RUVBL2: variants seen among roughly 807,000 people sequenced by gnomAD.
The protein encoded by RUVBL2 is ruvB-like 2.
In RUVBL2, 9 loss-of-function variants were observed where a neutral mutation model predicts 57.9. That is an observed-to-expected ratio of 0.16 (90% CI 0.09 to 0.27). RUVBL2 has a LOEUF of 0.27. Ranked by LOEUF, RUVBL2 falls within the 10% of genes least tolerant of loss-of-function variation. The pLI is 1.00. For synonymous variants in RUVBL2, 278 were observed against 264.6 expected, an observed-to-expected ratio of 1.05 and a Z score of -0.49; for missense variants, 456 against 669.6, an observed-to-expected ratio of 0.68 and a Z score of 3.52.
intron 2 of RUVBL2, chr19:49,001,390 C>T (rs2039178497): frequency 6.6e-6 from 1 of 151,176 alleles, no homozygotes; most frequent in Non-Finnish European, 1.5e-5. Flanking sequence ...TCTCGATCTC[C>T]TGACCTCGTG....
At chr19:49,005,112 C>T (rs75952023) in intron 4 of RUVBL2, among the ~76,000 whole-genome samples, 10,200 of 152,236 alleles carry the variant, frequency 0.067, 426 homozygotes, top group Middle Eastern at 0.092. Flanking sequence ...TGTTCCTCTT[C>T]TTCCTTGTTG....
At chr19:49,013,802 T>C (rs2039483964) in intron 11 of RUVBL2, among the ~76,000 whole-genome samples, 1 of 152,130 alleles carries the variant, frequency 6.6e-6, no homozygotes, top group Non-Finnish European at 1.5e-5. Context: ...TAGACCCAGC[T>C]ACTTGGGAGG....
In RUVBL2 at chr19:48,999,387, G is replaced by A. The variant is rs200333260; in HGVS notation, c.67+14G>A. The A allele has an allele frequency of 4.3e-5, 70 of 1,614,012 alleles. No individual in the cohort carries two copies. Among genetic ancestry groups the A allele is most frequent in the Non-Finnish European group, 5.3e-5 (63 of 1,179,960 alleles). ...TTGAGCGAATCGGTGAGTGAGTTGG[G>A]TCAGGAATAGGACCTAAGCCCTGCC... is the stretch of plus-strand genomic sequence containing the variant. On this transcript the variant is annotated intron_variant, in intron 2 of 14. Coordinates refer to ENST00000595090, the MANE Select transcript of RUVBL2 (RefSeq NM_006666.3).
chr19:49,002,651 C>T lies in RUVBL2; in HGVS notation c.68-628C>T, dbSNP rs1384754728. ...CCAGGCTAGAATGCAGTGGCACAAT[C>T]TTGGCTCACTGCAACCTCCGCCTCC... On this transcript the variant is annotated intron_variant, in intron 2 of 14. Coordinates refer to ENST00000595090, the MANE Select transcript of RUVBL2 (RefSeq NM_006666.3). 4.6e-5 allele frequency among the ~76,000 whole-genome samples: 7 copies of T among 152,144 alleles called. No homozygotes were observed. In the East Asian group the frequency reaches 1.3e-3, roughly 29 times the overall value.
intron 6 of RUVBL2, among the ~76,000 whole-genome samples, chr19:49,008,809 C>G (rs10407758): frequency 2.0e-5 from 3 of 151,208 alleles, no homozygotes; most frequent in African/African-American, 7.3e-5. Flanking sequence ...GAAACCCTGT[C>G]TCTACTAAAA....
chr19:48,993,840 C>T, upstream of RUVBL2: 1 of 1,594,438 alleles, frequency 6.3e-7, no homozygotes, highest in South Asian at 1.1e-5. Flanking sequence ...ACCAGCTAGC[C>T]TAGAGGAGCC....
rs2039428673 is a variant in RUVBL2, at chr19:49,011,514, C to G, written c.1001+204C>G. 6.6e-6 allele frequency among the ~76,000 whole-genome samples: 1 copy of G among 152,220 alleles called. No homozygotes were observed. The highest frequency in any genetic ancestry group is 6.5e-5 in the Admixed American group (1 of 15,286). On this transcript the variant is annotated intron_variant, in intron 11 of 14. Coordinates refer to ENST00000595090, the MANE Select transcript of RUVBL2 (RefSeq NM_006666.3). The surrounding 1 kb of genome is among the most constrained non-coding windows in gnomAD (Gnocchi z 4.4). ...GACTGTGTTCTTGCTGCCTTTCTGT[C>G]TTGCTGCTCCTTTAGCCCCCAAGGC...
rs1393068535 is a variant in RUVBL2, at chr19:49,015,841, G to A, written c.1391G>A (p.Ter464=). The change falls in exon 15 of 15, where the codon TGA becomes TAA. Residue 464 remains the stop codon, a stop_retained_variant. Coordinates refer to ENST00000595090, the MANE Select transcript of RUVBL2 (RefSeq NM_006666.3). ...GAAGGCGAGACCATGGACACCTCCT[G>A]AGTTGGATGTCATCCCCCGACCCCA... is the stretch of plus-strand genomic sequence containing the variant. ...ELKGETMDTS[*] The A allele has an allele frequency of 6.2e-7, 1 of 1,614,196 alleles. No individual in the cohort carries two copies. Among genetic ancestry groups the A allele is most frequent in the Non-Finnish European group, 8.5e-7 (1 of 1,180,030 alleles).
intron 4 of RUVBL2, 118 bp from the exon 5 acceptor site, chr19:49,006,900 T>G: frequency 1.1e-5 from 15 of 1,330,010 alleles, no homozygotes; most frequent in Middle Eastern, 2.4e-4. Context: ...AGTCCTTACA[T>G]GTAGGATGGC....
rs755012680 is a variant in RUVBL2 at position 49,010,919 on chromosome 19, C to T, written c.788-80C>T. ...CCCCTTCCTCCATCCCTGGCATCAT[C>T]CTTCTCTGTCTTAGCCACACTCTGG... On this transcript the variant is annotated intron_variant, in intron 9 of 14. Coordinates refer to ENST00000595090, the MANE Select transcript of RUVBL2 (RefSeq NM_006666.3). 1.6e-4 allele frequency: 204 copies of T among 1,265,982 alleles called. 1 individual carries two copies. Among genetic ancestry groups the T allele is most frequent in the Non-Finnish European group, 2.2e-4 (194 of 882,010 alleles). The allele number at this position is 1,265,982 out of a possible 1,614,324, so 78.4% of individuals were successfully genotyped here. A position where few individuals can be genotyped will look rare whatever the true frequency, so the allele number is the denominator to read the frequency against.
At chr19:48,994,772 T>C (rs959740567) in intron 1 of RUVBL2, 1 of 152,030 alleles carries the variant, frequency 6.6e-6, no homozygotes, top group African/African-American at 2.4e-5. Flanking sequence ...AATACAAAAA[T>C]TAGCCAGGTG....
At chr19:49,007,420 T>A in intron 6 of RUVBL2, 52 bp downstream of exon 6, 1 of 1,539,708 alleles carries the variant, frequency 6.5e-7, no homozygotes. Context: ...GCGCCAGGGT[T>A]GGAGAGAGTA....
chr19:49,006,302 G>A (rs1467163285), intron 4 of RUVBL2, among the ~76,000 whole-genome samples: 2 of 152,272 alleles, frequency 1.3e-5, no homozygotes, highest in African/African-American at 4.8e-5. Context: ...CAGGGAACTG[G>A]AAGGAAAGGT....
At chr19:48,995,965 T>G (rs1312083735) in intron 1 of RUVBL2, among the ~76,000 whole-genome samples, 1 of 143,766 alleles carries the variant, frequency 7.0e-6, no homozygotes, top group Admixed American at 7.1e-5. Context: ...CCAGCCTGGG[T>G]GACAGAGTAA....
intron 2 of RUVBL2, among the ~76,000 whole-genome samples, chr19:49,000,530 G>A (rs146158292): frequency 0.012 from 1,800 of 152,062 alleles, 37 homozygotes; most frequent in African/African-American, 0.041. Context: ...CTCCAGCCTG[G>A]GTGACAAGAG....
At chr19:49,003,211 A>T in intron 2 of RUVBL2, 68 bp from the exon 3 acceptor site, 1 of 1,340,546 alleles carries the variant, frequency 7.5e-7, no homozygotes, top group Middle Eastern at 1.9e-4. Context: ...ACCAGGGCTC[A>T]GAGGGGTCAG....
upstream of RUVBL2, chr19:48,993,781 C>G: frequency 2.4e-6 from 3 of 1,249,300 alleles, no homozygotes; most frequent in Non-Finnish European, 3.5e-6. Context: ...TCCCGCCACG[C>G]CCCCACAATA....
At chr19:49,008,190 T>A (rs2039322907) in intron 6 of RUVBL2, among the ~76,000 whole-genome samples, 1 of 151,020 alleles carries the variant, frequency 6.6e-6, no homozygotes, top group African/African-American at 2.4e-5. Context: ...GACTTTATTT[T>A]TTAGGCATGT....
At chr19:49,010,956 G>C (rs376941116) in intron 9 of RUVBL2, 43 bp from the exon 10 acceptor site, 1 of 1,551,466 alleles carries the variant, frequency 6.4e-7, no homozygotes, top group Non-Finnish European at 8.8e-7. Context: ...CCTGGAACCC[G>C]CCTCCTCTCT....
Sources: allele counts gnomAD v4.1 joint callset (sites outside exome capture counted in the v4.1 genomes callset), GRCh38; gene constraint gnomAD v4.1.1; non-coding constraint Gnocchi (gnomAD v3.1); transcripts MANE v1.5; gene names NCBI Gene and HGNC (gene_info 2026-07-23, HGNC 2026-07-21).